The following SLC41A2 variants were observed in gnomAD, a reference collection of about 807,000 sequenced individuals.
SLC41A2 encodes SLC41A1-like 1.
SLC41A2 carries 32 observed loss-of-function variants against 58.3 expected under a neutral mutation model. The ratio of observed to expected loss-of-function variants is 0.55; its 90% CI spans 0.41 to 0.74. The LOEUF (loss-of-function observed/expected upper bound fraction) is 0.74. Ranked by LOEUF, SLC41A2 falls within the 30% of genes least tolerant of loss-of-function variation. The pLI is 0.00. For synonymous variants in SLC41A2, 190 were observed against 235.0 expected (o/e 0.81, Z 1.75); for missense variants, 514 against 680.6 (o/e 0.76, Z 2.72).
rs1272873332 is a variant in SLC41A2 at position 104,892,328 on chromosome 12, A to AAAAAAAAAAAAAAAAAAC, written c.735+2945_735+2946insGTTTTTTTTTTTTTTTTT. Among the ~76,000 whole-genome samples, 18 of 126,930 alleles carry AAAAAAAAAAAAAAAAAAC rather than the reference A, an allele frequency of 1.4e-4. 2 individuals carry two copies. Among genetic ancestry groups the AAAAAAAAAAAAAAAAAAC allele is most frequent in the African/African-American group, 6.3e-4 (17 of 26,942 alleles). The allele number at this position is 126,930 out of a possible 152,430, so 83.3% of individuals were successfully genotyped here. On this transcript the variant is annotated intron_variant, in intron 4 of 10. Transcript: ENST00000258538. The stretch of plus-strand genomic sequence containing the variant: ...AAATAAAATAAAATAAAATAAAATA[A>AAAAAAAAAAAAAAAAAAC]AATAAAATATTGATGCAAGAAATTG...
At position 104,955,235 on chromosome 12, in the gene SLC41A2, C is replaced by T. The variant is rs147700931; in HGVS notation, c.-168+2853G>A. On this transcript the variant is annotated intron_variant, in intron 1 of 10. Coordinates refer to ENST00000258538, the MANE Select transcript of SLC41A2 (RefSeq NM_001352171.3). ...TTCACCATGTTGGCCAGTCTGGTCTCGAACTCCCAACCTCAGGTGATCTGC... is the reference window on the plus strand; with the variant it reads ...TTCACCATGTTGGCCAGTCTGGTCTTGAACTCCCAACCTCAGGTGATCTGC... 3.0e-3 allele frequency among the ~76,000 whole-genome samples: 460 copies of T among 152,048 alleles called. 2 individuals carry two copies. The highest frequency in any genetic ancestry group is 0.01 in the African/African-American group (433 of 41,466).
chr12:104,861,650 G>C (rs1185563482), intron 7 of SLC41A2, among the ~76,000 whole-genome samples: 1 of 152,154 alleles, frequency 6.6e-6, no homozygotes, highest in Non-Finnish European at 1.5e-5. Context: ...AAAATGTCTT[G>C]AACAGTATAC....
At chr12:104,943,666 T>C (rs1022624743) in intron 1 of SLC41A2, among the ~76,000 whole-genome samples, 1 of 152,210 alleles carries the variant, frequency 6.6e-6, no homozygotes, top group East Asian at 1.9e-4. Flanking sequence ...GTTAGAGCGG[T>C]CATCGGCCAA....
chr12:104,853,336 T>A (rs1355698151), intron 8 of SLC41A2, among the ~76,000 whole-genome samples: 1 of 152,204 alleles, frequency 6.6e-6, no homozygotes, highest in African/African-American at 2.4e-5. Context: ...ATCAACAGCA[T>A]AATAAGTCTG....
At chr12:104,915,033 A>T (rs2046253581) in intron 2 of SLC41A2, among the ~76,000 whole-genome samples, 2 of 152,230 alleles carry the variant, frequency 1.3e-5, no homozygotes, top group South Asian at 4.1e-4. Flanking sequence ...GTAAAGTATG[A>T]CTTCTTGTCA....
chr12:104,832,906 T>C (rs1283167226), intron 10 of SLC41A2, among the ~76,000 whole-genome samples: 1 of 152,200 alleles, frequency 6.6e-6, no homozygotes, highest in Admixed American at 6.6e-5. Flanking sequence ...TAATGCTTAT[T>C]GTCCGGTCTC....
intron 6 of SLC41A2, among the ~76,000 whole-genome samples, chr12:104,869,535 A>G (rs1355487862): frequency 2.6e-5 from 4 of 152,144 alleles, no homozygotes; most frequent in African/African-American, 9.7e-5. Context: ...AATTATCTTC[A>G]AATAAAAGTT....
chr12:104,810,414 T>C (rs1198396584), intron 10 of SLC41A2, among the ~76,000 whole-genome samples: 5 of 152,142 alleles, frequency 3.3e-5, no homozygotes, highest in African/African-American at 7.2e-5. Context: ...CATATTATAA[T>C]ATTACATGTT....
intron 1 of SLC41A2, chr12:104,951,437 C>T (rs1555219812): frequency 1.3e-5 from 2 of 152,120 alleles, no homozygotes; most frequent in Non-Finnish European, 2.9e-5. Context: ...CAAAATTTTT[C>T]ACAAATCAAA....
intron 3 of SLC41A2, among the ~76,000 whole-genome samples, chr12:104,906,100 G>GT (rs765975026): frequency 5.9e-5 from 9 of 152,118 alleles, no homozygotes; most frequent in Non-Finnish European, 8.8e-5. Context: ...AAGTTTTTTT[G>GT]TTTTTTCTTC....
intron 10 of SLC41A2, among the ~76,000 whole-genome samples, chr12:104,838,002 T>C (rs1481029473): frequency 6.6e-6 from 1 of 152,218 alleles, no homozygotes; most frequent in Non-Finnish European, 1.5e-5. Flanking sequence ...TGGGGGCCTA[T>C]CTTTTGCCCT....
chr12:104,878,712 T>C (rs898339576), intron 6 of SLC41A2, among the ~76,000 whole-genome samples: 4 of 152,214 alleles, frequency 2.6e-5, no homozygotes, highest in Admixed American at 2.0e-4. Context: ...CAGTCTATCA[T>C]TGTTGGACAT....
intron 1 of SLC41A2, among the ~76,000 whole-genome samples, chr12:104,942,778 T>C (rs2047561162): frequency 6.6e-6 from 1 of 152,236 alleles, no homozygotes; most frequent in South Asian, 2.1e-4. Flanking sequence ...TGGTACTCTG[T>C]AAGTTGTATT....
At chr12:104,895,051 T>G (rs1448088480) in intron 4 of SLC41A2, among the ~76,000 whole-genome samples, 1 of 152,210 alleles carries the variant, frequency 6.6e-6, no homozygotes, top group African/African-American at 2.4e-5. Context: ...ATTTTGTATA[T>G]ATTTTTCATA....
chr12:104,936,666 C>G (rs1459066828), intron 1 of SLC41A2, among the ~76,000 whole-genome samples: 1 of 152,172 alleles, frequency 6.6e-6, no homozygotes, highest in Non-Finnish European at 1.5e-5. Context: ...CACCTGCCCC[C>G]GTAATTCAGT....
At position 104,890,760 on chromosome 12, in the gene SLC41A2, G is replaced by C. The variant is rs145614863; in HGVS notation, c.736-1583C>G. Among the ~76,000 whole-genome samples, 666 of 152,340 alleles carry C rather than the reference G, an allele frequency of 4.4e-3. 2 individuals carry two copies. The highest frequency in any genetic ancestry group is 6.1e-3 in the Non-Finnish European group (415 of 68,038). ...GGTGAGGCAACAGTTCCTCATGTGG[G>C]ACTGGAGACTTTGCTTTATCTGACT... On this transcript the variant is annotated intron_variant, in intron 4 of 10. Transcript: ENST00000258538.
intron 1 of SLC41A2, among the ~76,000 whole-genome samples, chr12:104,951,023 TTTTG>T: frequency 6.6e-6 from 1 of 152,198 alleles, no homozygotes; most frequent in East Asian, 1.9e-4. Context: ...TTATTTGAAC[TTTTG>T]TTTGAGTACT....
chr12:104,948,121 T>C (rs2047800643), intron 1 of SLC41A2, among the ~76,000 whole-genome samples: 1 of 152,234 alleles, frequency 6.6e-6, no homozygotes, highest in Admixed American at 6.5e-5. Context: ...AGATATAATG[T>C]AGCAGCTGAG....
intron 3 of SLC41A2, among the ~76,000 whole-genome samples, chr12:104,906,694 C>G (rs182322904): frequency 6.6e-6 from 1 of 152,142 alleles, no homozygotes; most frequent in Non-Finnish European, 1.5e-5. Context: ...TATTGCTACC[C>G]CAAGCCTAGC....
Sources: allele counts gnomAD v4.1 joint callset (sites outside exome capture counted in the v4.1 genomes callset), GRCh38; gene constraint gnomAD v4.1.1; transcripts MANE v1.5; gene names NCBI Gene and HGNC (gene_info 2026-07-23, HGNC 2026-07-21).